The following TXLNB variants were observed in gnomAD, a reference collection of about 807,000 sequenced individuals.
TXLNB encodes the protein taxilin beta, also known as beta-taxilin.
A neutral mutation model predicts 57.4 loss-of-function variants in TXLNB; 37 were observed. The observed-to-expected ratio is 0.64, with a 90% CI of 0.50 to 0.85. The LOEUF is 0.85. TXLNB is among the 40% of genes least tolerant of loss of function. TXLNB has a pLI of 0.00. For missense variants in TXLNB, 848 were observed against 825.6 expected (o/e 1.03, Z -0.33); for synonymous variants, 302 against 309.6 (o/e 0.98, Z 0.26).
At position 139,242,633 on chromosome 6, in the gene TXLNB, G is replaced by C. The variant is rs1303258856; in HGVS notation, c.1948C>G (p.Pro650Ala). 5 of 1,604,644 alleles carry C rather than the reference G, an allele frequency of 3.1e-6. No individual in the cohort carries two copies. In the Admixed American group the frequency reaches 8.5e-5, roughly 27 times the overall value. The change falls in exon 10 of 10, where the codon CCC (proline) becomes GCC (alanine). Residue 650 changes from proline (P) to alanine (A), a missense_variant. Pro to Ala is a conservative substitution (Grantham distance 27, BLOSUM62 -1). Coordinates refer to ENST00000358430, the MANE Select transcript of TXLNB (RefSeq NM_153235.4). ...HVAAMVPACE[P>A]SRQPPRAAAE... ...GCTGCTCGTGGGGGCTGCCTACTGG[G>C]CTCGCATGCAGGCACCATGGCTGCA...
At chr6:139,177,056 A>G in the TXLNB span, 1 of 866,404 alleles carries the variant, frequency 1.2e-6, no homozygotes, top group East Asian at 2.4e-5. The surrounding 1 kb of genome is among the most constrained non-coding windows in gnomAD (Gnocchi z 4.9). Flanking sequence ...AACCTGGACT[A>G]CCACTTCGTG....
chr6:139,173,818 G>A, the TXLNB span, among the ~76,000 whole-genome samples: 2 of 152,122 alleles, frequency 1.3e-5, no homozygotes, highest in Admixed American at 6.5e-5. Context: ...AAAAAATTAC[G>A]AGTAAGATAT....
chr6:139,296,039 C>CG (rs1436300431), upstream of TXLNB, among the ~76,000 whole-genome samples: 2 of 152,110 alleles, frequency 1.3e-5, no homozygotes, highest in Admixed American at 1.3e-4. Context: ...CCTTGACCCC[C>CG]CCCTCCTCCA....
At chr6:139,277,433 G>C (rs777733351) in intron 2 of TXLNB, among the ~76,000 whole-genome samples, 1 of 152,094 alleles carries the variant, frequency 6.6e-6, no homozygotes, top group Non-Finnish European at 1.5e-5. Context: ...TGTGTTTTTT[G>C]TTCTTTTGGT....
upstream of TXLNB, among the ~76,000 whole-genome samples, chr6:139,293,130 C>T (rs188107925): frequency 6.6e-6 from 1 of 152,138 alleles, no homozygotes; most frequent in South Asian, 2.1e-4. Flanking sequence ...CAGAGTCTCG[C>T]TCTGTCACTC....
In TXLNB at chr6:139,270,454, A is replaced by G. The variant is rs557003187; in HGVS notation, c.687+2T>C. On this transcript the variant is annotated splice_donor_variant, in intron 4 of 9. Transcript: ENST00000358430. LOFTEE classifies it high-confidence loss of function. ...ATGTTATTCTGAGGCATGGGGACAT[A>G]CCTTCAGAGTCTTGTTGTGTCTCTG... 43 of 1,612,538 alleles carry G rather than the reference A, an allele frequency of 2.7e-5. No homozygotes were observed. In the African/African-American group the frequency reaches 5.5e-4, roughly 21 times the overall value.
In TXLNB at chr6:139,278,685, G is replaced by A. The variant is rs1776962948; in HGVS notation, c.425-1764C>T. ...ACACAGTGTTTGGCCCATGGCAAGTGCTCAGTAAATGATGATAATAATAGA... is the reference window on the plus strand; with the variant it reads ...ACACAGTGTTTGGCCCATGGCAAGTACTCAGTAAATGATGATAATAATAGA... On this transcript the variant is annotated intron_variant, in intron 2 of 9. Transcript: ENST00000358430. 2.0e-5 allele frequency among the ~76,000 whole-genome samples: 3 copies of A among 152,198 alleles called. No homozygotes were observed. The South Asian group carries it at 6.2e-4, about 32-fold the overall frequency.
the TXLNB span, among the ~76,000 whole-genome samples, chr6:139,299,397 C>T: frequency 6.6e-6 from 1 of 152,208 alleles, no homozygotes; most frequent in Non-Finnish European, 1.5e-5. Flanking sequence ...CCCAAACAAA[C>T]CTTACTAATG....
the TXLNB span, among the ~76,000 whole-genome samples, chr6:139,169,180 T>C: frequency 1.3e-5 from 2 of 152,106 alleles, no homozygotes. Flanking sequence ...ATTTTCACTT[T>C]TAAAAAATTC....
At chr6:139,192,337 C>A in the TXLNB span, among the ~76,000 whole-genome samples, 1 of 152,150 alleles carries the variant, frequency 6.6e-6, no homozygotes, top group East Asian at 1.9e-4. Context: ...TCAAATGTCA[C>A]CTTCTTATGA....
chr6:139,220,799 C>T, the TXLNB span, among the ~76,000 whole-genome samples: 1 of 152,134 alleles, frequency 6.6e-6, no homozygotes, highest in Non-Finnish European at 1.5e-5. Flanking sequence ...AAATAACAAA[C>T]CTGGTCCTCC....
the TXLNB span, among the ~76,000 whole-genome samples, chr6:139,182,584 G>A: frequency 6.6e-6 from 1 of 152,110 alleles, no homozygotes; most frequent in African/African-American, 2.4e-5. Flanking sequence ...ATTTTCAAAG[G>A]GGGAAGAAAT....
chr6:139,316,436 C>A, the TXLNB span, among the ~76,000 whole-genome samples: 1 of 152,156 alleles, frequency 6.6e-6, no homozygotes, highest in Non-Finnish European at 1.5e-5. Context: ...AATTCCCTTA[C>A]CCCTGATGTT....
intron 7 of TXLNB, among the ~76,000 whole-genome samples, chr6:139,250,522 G>A (rs1027199926): frequency 2.6e-5 from 4 of 151,882 alleles, no homozygotes; most frequent in East Asian, 1.9e-4. Context: ...GGCCTAGGGT[G>A]GGAACAACTA....
intron 8 of TXLNB, among the ~76,000 whole-genome samples, 199 bp from the exon 9 acceptor site, chr6:139,244,889 T>C (rs900541562): frequency 2.0e-5 from 3 of 152,180 alleles, no homozygotes; most frequent in Admixed American, 2.0e-4. Context: ...AGCAAACTTA[T>C]TTGCACCTGA....
chr6:139,173,623 T>C, the TXLNB span, among the ~76,000 whole-genome samples: 1 of 152,190 alleles, frequency 6.6e-6, no homozygotes, highest in Non-Finnish European at 1.5e-5. Flanking sequence ...AATGTTGCTG[T>C]TATACGTTGC....
chr6:139,231,116 C>G, the TXLNB span, among the ~76,000 whole-genome samples: 1 of 152,194 alleles, frequency 6.6e-6, no homozygotes, highest in Non-Finnish European at 1.5e-5. Context: ...CAAGTACACA[C>G]TGACACATAA....
In TXLNB at chr6:139,247,844, A is replaced by G; in HGVS notation, c.1143T>C (p.Phe381=). ...QSTLTKSNEV[F]ATFKQEMDKT... ...TGTCCATTTCCTGTTTGAACGTGGC[A>G]AACACCTCGTTGCTTTTAGTTAGTG... The change falls in exon 8 of 10, where the codon TTT becomes TTC. Residue 381 remains phenylalanine, a synonymous_variant. Coordinates refer to ENST00000358430, the MANE Select transcript of TXLNB (RefSeq NM_153235.4). The G allele has an allele frequency of 6.2e-7, 1 of 1,605,912 alleles. No homozygotes were observed. The highest frequency in any genetic ancestry group is 8.5e-7 in the Non-Finnish European group (1 of 1,176,020).
At chr6:139,182,194 G>C in the TXLNB span, among the ~76,000 whole-genome samples, 2 of 152,136 alleles carry the variant, frequency 1.3e-5, no homozygotes, top group Admixed American at 1.3e-4. Flanking sequence ...GGGAAACCTG[G>C]GTAAAGAAAG....
Sources: allele counts gnomAD v4.1 joint callset (sites outside exome capture counted in the v4.1 genomes callset), GRCh38; gene constraint gnomAD v4.1.1; non-coding constraint Gnocchi (gnomAD v3.1); transcripts MANE v1.5; gene names NCBI Gene and HGNC (gene_info 2026-07-23, HGNC 2026-07-21).